The following ADGRV1 variants were observed in gnomAD, a reference collection of about 807,000 sequenced individuals.
ADGRV1 encodes G-protein coupled receptor 98.
ADGRV1 carries 359 observed loss-of-function variants against 596.2 expected under a neutral mutation model. The observed-to-expected ratio is 0.60, with a 90% confidence interval of 0.55 to 0.66. ADGRV1 has a LOEUF of 0.66. ADGRV1 is among the 30% of genes least tolerant of loss of function. The pLI is 0.00. For synonymous variants in ADGRV1, 2,681 were observed against 2,679.2 expected (o/e 1.00, Z -0.02); for missense variants, 7,274 against 7,575.6 (o/e 0.96, Z 1.48).
chr5:90,847,975 G>A (rs78423781), intron 78 of ADGRV1, among the ~76,000 whole-genome samples: 1 of 152,182 alleles, frequency 6.6e-6, no homozygotes, highest in African/African-American at 2.4e-5. Context: ...AGGAGGCACC[G>A]AGAGTGAGCG....
chr5:90,708,588 T>C (rs1748915004), intron 38 of ADGRV1, among the ~76,000 whole-genome samples: 2 of 151,922 alleles, frequency 1.3e-5, no homozygotes, highest in Non-Finnish European at 2.9e-5. Flanking sequence ...TTTAAAATGT[T>C]AAAATATTTA....
At chr5:90,781,107 G>A (rs1373019619) in intron 64 of ADGRV1, 7 of 365,266 alleles carry the variant, frequency 1.9e-5, no homozygotes, top group Non-Finnish European at 3.1e-5. Context: ...GTATTCAGCC[G>A]TGATTCCCAA....
intron 83 of ADGRV1, among the ~76,000 whole-genome samples, chr5:90,909,623 AG>A (rs1166915136): frequency 4.8e-5 from 5 of 105,236 alleles, no homozygotes; most frequent in Non-Finnish European, 9.9e-5. Context: ...ATACGCAAAA[AG>A]AAAAAAAAGA....
intron 31 of ADGRV1, among the ~76,000 whole-genome samples, chr5:90,691,427 C>T (rs1258553452): frequency 6.7e-6 from 1 of 148,592 alleles, no homozygotes; most frequent in Non-Finnish European, 1.5e-5. Context: ...GCTTGTCGCC[C>T]AGGCTGGAGG....
chr5:90,772,996 C>T (rs1051592488), intron 59 of ADGRV1, among the ~76,000 whole-genome samples: 8 of 151,974 alleles, frequency 5.3e-5, no homozygotes, highest in Non-Finnish European at 1.0e-4. Flanking sequence ...GGCAAACCCC[C>T]GTCTCTACTA....
At chr5:91,161,106 C>A (rs1796903768) in intron 89 of ADGRV1, among the ~76,000 whole-genome samples, 1 of 152,196 alleles carries the variant, frequency 6.6e-6, no homozygotes, top group Non-Finnish European at 1.5e-5. Flanking sequence ...CGGCCTCAGT[C>A]TTCCCTGAGG....
rs1759669597 is a variant in ADGRV1, at chr5:90,788,081, A to G, written c.13664A>G (p.Glu4555Gly). The change falls in exon 68 of 90, where the codon GAG becomes GGG. Residue 4555 changes from glutamate (E) to glycine (G), a missense_variant. Glu to Gly is a moderately conservative substitution (Grantham distance 98). Around this residue, in one of 5 missense-constraint regions of ADGRV1, gnomAD observed 3,643 missense variants for 3,809.2 expected, o/e 0.96. Coordinates refer to ENST00000405460, the MANE Select transcript of ADGRV1 (RefSeq NM_032119.4). ...AAAAACATCCCGCAGGTGAACTGGGAGACAGTAGGACCCAACTCTCAAGAA... is the reference window on the plus strand; with the variant it reads ...AAAAACATCCCGCAGGTGAACTGGGGGACAGTAGGACCCAACTCTCAAGAA... ...GLLGEIQVNW[E>G]TVGPNSQEAL... The G allele has an allele frequency of 6.3e-7, 1 of 1,599,660 alleles. No homozygotes were observed. The highest frequency in any genetic ancestry group is 1.7e-5 in the Admixed American group (1 of 58,514).
intron 59 of ADGRV1, among the ~76,000 whole-genome samples, chr5:90,764,836 C>G (rs2150022345): frequency 6.6e-6 from 1 of 152,298 alleles, no homozygotes; most frequent in East Asian, 1.9e-4. Flanking sequence ...CCCTCCATCT[C>G]ATTTTGGGTC....
intron 45 of ADGRV1, among the ~76,000 whole-genome samples, chr5:90,724,439 G>A (rs1370355007): frequency 1.3e-5 from 2 of 152,028 alleles, no homozygotes; most frequent in African/African-American, 4.8e-5. Context: ...ATGTTGGCCA[G>A]GCTGGTCTCA....
At chr5:90,638,955 C>T (rs1338860192) in intron 11 of ADGRV1, among the ~76,000 whole-genome samples, 1 of 152,058 alleles carries the variant, frequency 6.6e-6, no homozygotes, top group Admixed American at 6.6e-5. Context: ...GTCCACTGTT[C>T]CTTTTGCTTT....
intron 21 of ADGRV1, among the ~76,000 whole-genome samples, chr5:90,658,565 C>T (rs1304727281): frequency 6.6e-6 from 1 of 152,052 alleles, no homozygotes; most frequent in Non-Finnish European, 1.5e-5. Flanking sequence ...GTATACTCTA[C>T]CTATTTATTT....
At position 90,775,133 on chromosome 5, in the gene ADGRV1, A is replaced by G. The variant is rs1758091831; in HGVS notation, c.12403+830A>G. Among the ~76,000 whole-genome samples the G allele has an allele frequency of 2.6e-5, 4 of 152,184 alleles. No individual in the cohort carries two copies. The South Asian group carries it at 8.3e-4, about 31-fold the overall frequency. ...CCAACCATAAAAAACTGGTTCAGAA[A>G]CTTTTAGCATGAAAATTTGGTGATT... On this transcript the variant is annotated intron_variant, in intron 60 of 89. Coordinates refer to ENST00000405460, the MANE Select transcript of ADGRV1 (RefSeq NM_032119.4).
intron 87 of ADGRV1, among the ~76,000 whole-genome samples, chr5:91,113,053 C>T (rs970421501): frequency 6.6e-6 from 1 of 152,112 alleles, no homozygotes; most frequent in African/African-American, 2.4e-5. Flanking sequence ...AGGCTCTCCC[C>T]ATGAATGTTC....
intron 29 of ADGRV1, among the ~76,000 whole-genome samples, chr5:90,688,606 T>TG (rs1746022835): frequency 6.6e-6 from 1 of 152,106 alleles, no homozygotes; most frequent in Non-Finnish European, 1.5e-5. Context: ...CCGCCCACCT[T>TG]GGCCTCCCAA....
chr5:91,052,239 C>A (rs1786402934), intron 85 of ADGRV1, among the ~76,000 whole-genome samples: 1 of 150,950 alleles, frequency 6.6e-6, no homozygotes, highest in South Asian at 2.1e-4. Context: ...AATAAGACAT[C>A]AAATCTTAGG....
At chr5:90,595,631 T>G in intron 1 of ADGRV1, among the ~76,000 whole-genome samples, 1 of 119,408 alleles carries the variant, frequency 8.4e-6, no homozygotes. Flanking sequence ...CCCACCTCCC[T>G]CCCGGACGGG....
intron 83 of ADGRV1, among the ~76,000 whole-genome samples, chr5:90,940,902 A>T (rs375101855): frequency 5.3e-5 from 8 of 152,264 alleles, no homozygotes; most frequent in African/African-American, 1.9e-4. Flanking sequence ...TATAGGCCTA[A>T]TGTTTTCACA....
intron 85 of ADGRV1, among the ~76,000 whole-genome samples, chr5:91,051,619 T>C (rs1307139952): frequency 7.0e-6 from 1 of 142,302 alleles, no homozygotes; most frequent in Non-Finnish European, 1.5e-5. Flanking sequence ...CGATCTCGGC[T>C]CACTGCAAGC....
At chr5:90,732,984 T>C (rs575781232) in intron 50 of ADGRV1, among the ~76,000 whole-genome samples, 1 of 152,356 alleles carries the variant, frequency 6.6e-6, no homozygotes, top group South Asian at 2.1e-4. Context: ...TGGCAAATGA[T>C]GATCAAAGGC....
Sources: gnomAD v4.1 joint callset for allele counts (sites outside exome capture counted in the v4.1 genomes callset) on GRCh38, gnomAD v4.1.1 for gene constraint, gnomAD v4.1.1 regional missense constraint, MANE v1.5 for transcripts, NCBI Gene and HGNC (gene_info 2026-07-23, HGNC 2026-07-21) for gene names.